The following ZNF567 variants were observed in gnomAD, a reference collection of about 807,000 sequenced individuals.
ZNF567 encodes the protein zinc finger protein 567.
Under a neutral mutation model 53.9 loss-of-function variants are expected in ZNF567, and 36 were observed. The observed-to-expected ratio is 0.67, with a 90% confidence interval of 0.51 to 0.88. The LOEUF (loss-of-function observed/expected upper bound fraction) is 0.88, where lower values mean the gene tolerates loss of function less well. Among genes scored for constraint, ZNF567 ranks in the 40% least tolerant of loss-of-function variants. The probability of loss-of-function intolerance (pLI) is 0.00; values close to 1 mark genes in which losing one functional copy is unlikely to be tolerated. For synonymous variants in ZNF567, 224 were observed against 260.4 expected, an observed-to-expected ratio of 0.86 and a Z score of 1.35; for missense variants, 619 against 764.7, an observed-to-expected ratio of 0.81 and a Z score of 2.25.
the ZNF567 span, among the ~76,000 whole-genome samples, chr19:36,679,650 T>G: frequency 6.6e-6 from 1 of 152,202 alleles, no homozygotes; most frequent in Non-Finnish European, 1.5e-5. Flanking sequence ...TATTCAGCCT[T>G]AAACATGAAA....
chr19:36,693,361 A>T (rs991982070), intron 2 of ZNF567, among the ~76,000 whole-genome samples: 6 of 152,088 alleles, frequency 3.9e-5, no homozygotes, highest in Admixed American at 1.3e-4. Context: ...CCTGCTATGC[A>T]AGAGGGAGAA....
chr19:36,714,308 C>T (rs28742010), intron 5 of ZNF567: 8,612 of 332,532 alleles, frequency 0.026, 542 homozygotes, highest in African/African-American at 0.14. Flanking sequence ...ATTACAGGTG[C>T]GCATCAACAG....
chr19:36,670,772 G>C, the ZNF567 span, among the ~76,000 whole-genome samples: 6 of 152,154 alleles, frequency 3.9e-5, no homozygotes, highest in African/African-American at 1.4e-4. Flanking sequence ...TCGTAAGTTA[G>C]TTCACAGGGA....
chr19:36,704,278 T>G (rs1426690825), intron 3 of ZNF567, among the ~76,000 whole-genome samples: 1 of 151,922 alleles, frequency 6.6e-6, no homozygotes, highest in African/African-American at 2.4e-5. Context: ...AAAAAAATTA[T>G]CTGGATGTGG....
chr19:36,679,727 A>G, the ZNF567 span, among the ~76,000 whole-genome samples: 5 of 152,216 alleles, frequency 3.3e-5, 1 homozygote, highest in Admixed American at 6.5e-5. Context: ...AGCCAGACAC[A>G]GAGAGACAAA....
At chr19:36,716,987 G>C (rs539981960) in intron 5 of ZNF567, among the ~76,000 whole-genome samples, 2 of 151,960 alleles carry the variant, frequency 1.3e-5, no homozygotes, top group Non-Finnish European at 2.9e-5. Context: ...CACCATGCCC[G>C]GCCAGCTTTT....
chr19:36,721,660 A>T (rs2040300124), downstream of ZNF567, among the ~76,000 whole-genome samples: 1 of 152,040 alleles, frequency 6.6e-6, no homozygotes, highest in African/African-American at 2.4e-5. Flanking sequence ...AATATCAAGG[A>T]ATTAGAATTC....
the ZNF567 span, among the ~76,000 whole-genome samples, chr19:36,672,885 A>G: frequency 1.3e-5 from 2 of 152,202 alleles, no homozygotes; most frequent in Non-Finnish European, 2.9e-5. Flanking sequence ...AGGAATACAT[A>G]ATGGATAATG....
the ZNF567 span, among the ~76,000 whole-genome samples, chr19:36,680,246 C>T: frequency 6.6e-6 from 1 of 152,194 alleles, no homozygotes; most frequent in South Asian, 2.1e-4. Flanking sequence ...GAGCATCTCA[C>T]GATAAATCCC....
chr19:36,720,624 G>A lies in ZNF567; in HGVS notation c.1900G>A (p.Val634Ile), dbSNP rs1416796409. The part of the protein sequence containing the change: ...KSFSYKRNLI[V>I]HQRTHKGENI... Reference sequence around the variant, plus strand: ...TTTCAGTTATAAGAGAAACCTCATTGTCCATCAAAGAACTCACAAGGGAGA... The same window carrying A: ...TTTCAGTTATAAGAGAAACCTCATTATCCATCAAAGAACTCACAAGGGAGA... The change falls in exon 6 of 6, where the codon GTC becomes ATC. Residue 634 changes from valine (V) to isoleucine (I), a missense_variant. By Grantham distance (29) the Val-to-Ile change is conservative. Coordinates refer to ENST00000682579, the MANE Select transcript of ZNF567 (RefSeq NM_001322917.1). 2.5e-6 allele frequency: 4 copies of A among 1,574,034 alleles called. No homozygotes were observed. Among genetic ancestry groups the A allele is most frequent in the Non-Finnish European group, 3.4e-6 (4 of 1,162,122 alleles).
At chr19:36,675,866 C>T in the ZNF567 span, among the ~76,000 whole-genome samples, 1 of 151,804 alleles carries the variant, frequency 6.6e-6, no homozygotes, top group African/African-American at 2.4e-5. Context: ...AACAAAAACA[C>T]CCAGTATACC....
chr19:36,676,169 G>T, the ZNF567 span, among the ~76,000 whole-genome samples: 1 of 140,106 alleles, frequency 7.1e-6, no homozygotes, highest in South Asian at 2.4e-4. Context: ...TGGGTCAAGC[G>T]ATTATCCTGC....
the ZNF567 span, among the ~76,000 whole-genome samples, chr19:36,676,807 C>T: frequency 6.6e-6 from 1 of 152,164 alleles, no homozygotes. Context: ...CGCTTGAGCC[C>T]AGGAGCTCGA....
At chr19:36,721,477 T>C (rs2040296883), downstream of ZNF567, 1 of 152,168 alleles carries the variant, frequency 6.6e-6, no homozygotes, top group Non-Finnish European at 1.5e-5. Context: ...TGCGGCTTTA[T>C]AATTGTGAGA....
At chr19:36,727,201 A>T, downstream of ZNF567, 1 of 150,412 alleles carries the variant, frequency 6.6e-6, no homozygotes, top group African/African-American at 2.4e-5. Flanking sequence ...CCTCCCAAGT[A>T]GCTGGGATTA....
chr19:36,667,303 G>A, the ZNF567 span, among the ~76,000 whole-genome samples: 1 of 152,046 alleles, frequency 6.6e-6, no homozygotes, highest in East Asian at 1.9e-4. Context: ...GGATCACCGA[G>A]ACCAGCCTGA....
In ZNF567 at chr19:36,719,816, A is replaced by T; in HGVS notation, c.1092A>T (p.Pro364=). The change falls in exon 6 of 6, where the codon CCA becomes CCT. Residue 364 remains proline, a synonymous_variant. Transcript: ENST00000682579. ...AGAGAACTCACACGGGAGAGAAACC[A>T]TATGAGTGTAATGACTGTGGGAAGT... ...RHQRTHTGEK[P]YECNDCGKSF... 1 of 1,614,158 alleles carries T rather than the reference A, an allele frequency of 6.2e-7. No homozygotes were observed. Among genetic ancestry groups the T allele is most frequent in the African/African-American group, 1.3e-5 (1 of 75,034 alleles).
Position 36,719,839 on chromosome 19 carries a change from A to C in ZNF567, c.1115A>C (p.Lys372Thr), listed in dbSNP as rs558793059. Residue 372 changes from lysine to threonine, a missense_variant, in exon 6 of 6, where the codon AAG becomes ACG. Coordinates refer to ENST00000682579, the MANE Select transcript of ZNF567 (RefSeq NM_001322917.1). The part of the protein sequence containing the change: ...EKPYECNDCG[K>T]SFRQKTTLSL... ...CCATATGAGTGTAATGACTGTGGGA[A>C]GTCCTTCCGCCAGAAGACAACACTC... 6.2e-7 allele frequency: 1 copy of C among 1,614,184 alleles called. No homozygotes were observed. The highest frequency in any genetic ancestry group is 1.1e-5 in the South Asian group (1 of 91,088).
chr19:36,725,646 T>A (rs2040332746), downstream of ZNF567, among the ~76,000 whole-genome samples: 1 of 152,166 alleles, frequency 6.6e-6, no homozygotes, highest in East Asian at 1.9e-4. Flanking sequence ...ATTACTACTT[T>A]AAGTCCTTTG....
Sources: allele counts gnomAD v4.1 joint callset (sites outside exome capture counted in the v4.1 genomes callset), GRCh38; gene constraint gnomAD v4.1.1; transcripts MANE v1.5; gene names NCBI Gene and HGNC (gene_info 2026-07-23, HGNC 2026-07-21).